Variants in WBP1L observed in about 807,000 individuals in gnomAD.
WBP1L encodes WW domain binding protein 1 like.
In WBP1L, 17 loss-of-function variants were observed where a neutral mutation model predicts 33.7. That is an observed-to-expected ratio of 0.50 (90% CI 0.34 to 0.76). The LOEUF (loss-of-function observed/expected upper bound fraction) is 0.76. WBP1L is among the 30% of genes least tolerant of loss of function. WBP1L has a pLI of 0.01. For missense variants in WBP1L, 389 were observed against 469.4 expected (o/e 0.83, Z 1.58); for synonymous variants, 173 against 190.8 (o/e 0.91, Z 0.77).
chr10:102,757,826 C>T (rs1842994358), intron 1 of WBP1L, among the ~76,000 whole-genome samples: 1 of 150,266 alleles, frequency 6.7e-6, no homozygotes, highest in African/African-American at 2.4e-5. Context: ...ATCCTCCTGC[C>T]TCGGCCTCCC....
chr10:102,783,564 G>T (rs1843367674), intron 1 of WBP1L, among the ~76,000 whole-genome samples: 1 of 152,240 alleles, frequency 6.6e-6, no homozygotes, highest in Admixed American at 6.5e-5. Flanking sequence ...CTAAAACACG[G>T]TTCTGTACAA....
chr10:102,773,866 A>C (rs1201734039), intron 1 of WBP1L, among the ~76,000 whole-genome samples: 3 of 43,110 alleles, frequency 7.0e-5, no homozygotes, highest in African/African-American at 1.7e-4. Context: ...AAACAAAACA[A>C]AAAAAAAAAA....
At chr10:102,809,817 C>T in intron 2 of WBP1L, 76 bp from the exon 3 acceptor site, 1 of 1,513,694 alleles carries the variant, frequency 6.6e-7, no homozygotes, top group Non-Finnish European at 8.9e-7. Context: ...CGTCCAGGGA[C>T]CTCCCTGTTC....
intron 1 of WBP1L, among the ~76,000 whole-genome samples, chr10:102,796,593 A>G (rs956127052): frequency 6.6e-6 from 1 of 152,216 alleles, no homozygotes; most frequent in Non-Finnish European, 1.5e-5. Flanking sequence ...CACTGTGGGC[A>G]GGGCCAGCCT....
At chr10:102,759,693 T>G (rs1441554624) in intron 1 of WBP1L, among the ~76,000 whole-genome samples, 4 of 152,184 alleles carry the variant, frequency 2.6e-5, no homozygotes, top group Non-Finnish European at 5.9e-5. Flanking sequence ...TCTTACTATA[T>G]TGCCCAGGCT....
Position 102,771,561 on chromosome 10 carries a change from G to A in WBP1L, c.91-26432G>A, listed in dbSNP as rs1457349769. Among the ~76,000 whole-genome samples the A allele has an allele frequency of 2.7e-5, 4 of 149,490 alleles. No individual in the cohort carries two copies. In the East Asian group the frequency reaches 7.8e-4, roughly 29 times the overall value. On this transcript the variant is annotated intron_variant, in intron 1 of 3. Transcript: ENST00000448841. The stretch of plus-strand genomic sequence containing the variant: ...AAGTTAATCTGAGGCCAGACATGGT[G>A]GCTCATGCCTGTAATCCCAGCACTT...
chr10:102,766,686 A>C (rs568377552), intron 1 of WBP1L, among the ~76,000 whole-genome samples: 2 of 151,672 alleles, frequency 1.3e-5, no homozygotes, highest in Admixed American at 1.3e-4. Context: ...TACAAAAATT[A>C]GCTGGGCATG....
Position 102,804,424 on chromosome 10 carries a change from A to ATTTTT in WBP1L, c.194-5469_194-5468insTTTTT, listed in dbSNP as rs748529817. Among the ~76,000 whole-genome samples the ATTTTT allele has an allele frequency of 3.5e-3, 495 of 140,020 alleles. 3 individuals carry two copies. The highest frequency in any genetic ancestry group is 5.5e-3 in the Admixed American group (78 of 14,132). 91.9% of individuals were successfully genotyped at this position (140,020 alleles called of 152,430 possible). The stretch of plus-strand genomic sequence containing the variant: ...AAAAAAAGCCCTTTTTTTTTTAAAA[A>ATTTTT]AAAAATTATACTTCTGGTTCAGTGA... On this transcript the variant is annotated intron_variant, in intron 2 of 3. Transcript: ENST00000448841.
Position 102,744,140 on chromosome 10 carries a change from G to T in WBP1L, c.87G>T (p.Pro29=), listed in dbSNP as rs979173132. The change falls in exon 1 of 4, where the codon CCG becomes CCT. Residue 29 remains proline, a synonymous_variant. Transcript: ENST00000448841. ...PSPLSARAEP[P]QDKEACVGTN... is the part of the protein sequence containing the mutation. ...CCTTGTCAGCCAGGGCTGAACCCCC[G>T]CAGGTAAGGGGGAGGGGGCGTCTGG... The T allele has an allele frequency of 2.6e-6, 4 of 1,549,844 alleles. No homozygotes were observed. The highest frequency in any genetic ancestry group is 2.6e-6 in the Non-Finnish European group (3 of 1,146,284).
At chr10:102,759,655 TTTTG>T (rs1019341876) in intron 1 of WBP1L, among the ~76,000 whole-genome samples, 1 of 152,308 alleles carries the variant, frequency 6.6e-6, no homozygotes, top group African/African-American at 2.4e-5. Flanking sequence ...GTACAAGTTT[TTTTG>T]TTTGTTTGTT....
At chr10:102,806,043 A>T (rs1012844312) in intron 2 of WBP1L, among the ~76,000 whole-genome samples, 1 of 140,860 alleles carries the variant, frequency 7.1e-6, no homozygotes, top group Non-Finnish European at 1.6e-5. Context: ...TCTACTAAAA[A>T]TACAAAAAAA....
intron 2 of WBP1L, among the ~76,000 whole-genome samples, chr10:102,804,268 G>A (rs559277923): frequency 5.3e-5 from 8 of 150,980 alleles, no homozygotes; most frequent in African/African-American, 1.9e-4. Flanking sequence ...CATGCCTGTA[G>A]TTCCAGCTAC....
intron 1 of WBP1L, among the ~76,000 whole-genome samples, chr10:102,767,077 G>T (rs560510752): frequency 6.6e-6 from 1 of 152,224 alleles, no homozygotes; most frequent in Non-Finnish European, 1.5e-5. Flanking sequence ...CTAGCATTTT[G>T]ATATGAAAAC....
intron 1 of WBP1L, among the ~76,000 whole-genome samples, chr10:102,788,899 T>C (rs1843458194): frequency 6.6e-6 from 1 of 152,234 alleles, no homozygotes; most frequent in African/African-American, 2.4e-5. Context: ...AGGGAGGGAC[T>C]AGCCAAAGCC....
intron 1 of WBP1L, among the ~76,000 whole-genome samples, chr10:102,768,977 T>C (rs1231822128): frequency 2.6e-5 from 4 of 152,112 alleles, no homozygotes; most frequent in Non-Finnish European, 4.4e-5. Context: ...CTTGAGCCAT[T>C]GCGCTTGGCC....
chr10:102,757,590 T>TTG (rs1359407736), intron 1 of WBP1L, among the ~76,000 whole-genome samples: 5 of 148,746 alleles, frequency 3.4e-5, no homozygotes, highest in Admixed American at 6.7e-5. Flanking sequence ...TTTTTTTTTT[T>TTG]TTGTTGATAC....
intron 2 of WBP1L, among the ~76,000 whole-genome samples, chr10:102,809,342 T>C (rs530358506): frequency 6.7e-6 from 1 of 149,828 alleles, no homozygotes; most frequent in South Asian, 2.1e-4. Flanking sequence ...CCTCCCAAAA[T>C]GCTGGGATTA....
intron 1 of WBP1L, among the ~76,000 whole-genome samples, chr10:102,779,464 A>AT (rs1286106868): frequency 2.0e-5 from 3 of 151,544 alleles, no homozygotes; most frequent in Non-Finnish European, 4.4e-5. Context: ...CGCCCAGCTA[A>AT]TTTTTTGGGT....
At chr10:102,781,209 G>A (rs1423610486) in intron 1 of WBP1L, among the ~76,000 whole-genome samples, 1 of 152,218 alleles carries the variant, frequency 6.6e-6, no homozygotes, top group Non-Finnish European at 1.5e-5. Flanking sequence ...CACAAGGAGA[G>A]CAGTGGAAAG....
Sources: allele counts gnomAD v4.1 joint callset (sites outside exome capture counted in the v4.1 genomes callset), GRCh38; gene constraint gnomAD v4.1.1; transcripts MANE v1.5; gene names NCBI Gene and HGNC (gene_info 2026-07-23, HGNC 2026-07-21).